The following CREBBP variants were observed in gnomAD, a reference collection of about 807,000 sequenced individuals.
CREBBP encodes CREB-binding protein.
Under a neutral mutation model 265.0 loss-of-function variants are expected in CREBBP, and 19 were observed. The observed-to-expected ratio is 0.07, with a 90% confidence interval of 0.05 to 0.11. The LOEUF (loss-of-function observed/expected upper bound fraction) is 0.11, where lower values mean the gene tolerates loss of function less well. Ranked by LOEUF, CREBBP falls within the 10% of genes least tolerant of loss-of-function variation. The pLI is 1.00. For missense variants in CREBBP, 2,525 were observed against 3,219.0 expected (o/e 0.78, Z 5.22); for synonymous variants, 1,457 against 1,223.7 (o/e 1.19, Z -3.98).
At chr16:3,788,573 T>C (rs1420911052) in intron 5 of CREBBP, among the ~76,000 whole-genome samples, 3 of 152,218 alleles carry the variant, frequency 2.0e-5, no homozygotes, top group African/African-American at 7.2e-5. Context: ...AAGTCCTAAT[T>C]ATTCAAAAAA....
At chr16:3,782,528 G>C (rs571710429) in intron 6 of CREBBP, among the ~76,000 whole-genome samples, 156 bp downstream of exon 6, 1 of 152,278 alleles carries the variant, frequency 6.6e-6, no homozygotes, top group African/African-American at 2.4e-5. Flanking sequence ...CATTTTCCTT[G>C]CATCAGATAC....
intron 2 of CREBBP, among the ~76,000 whole-genome samples, chr16:3,844,104 C>T (rs1450159989): frequency 1.4e-5 from 2 of 142,898 alleles, no homozygotes; most frequent in African/African-American, 2.6e-5. Context: ...GCCGAGATCC[C>T]GCCACTGCAC....
At chr16:3,849,377 CCGTGTGTG>C (rs2054736109) in intron 2 of CREBBP, among the ~76,000 whole-genome samples, 1 of 104,098 alleles carries the variant, frequency 9.6e-6, no homozygotes, top group African/African-American at 4.4e-5. Flanking sequence ...GAGCTCTTGG[CCGTGTGTG>C]TGTGTGTGTG....
chr16:3,748,695 A>G (rs1325831637), intron 21 of CREBBP, among the ~76,000 whole-genome samples: 8 of 152,166 alleles, frequency 5.3e-5, no homozygotes, highest in South Asian at 2.1e-4. Context: ...GGGGACAAAA[A>G]ATAGCCAGTA....
intron 1 of CREBBP, among the ~76,000 whole-genome samples, chr16:3,858,311 T>A (rs1853207951): frequency 6.6e-6 from 1 of 152,184 alleles, no homozygotes; most frequent in Non-Finnish European, 1.5e-5. Context: ...AACACACCTT[T>A]CTTCAGGTTT....
At chr16:3,830,869 C>T (rs2054329340) in intron 2 of CREBBP, among the ~76,000 whole-genome samples, 1 of 152,196 alleles carries the variant, frequency 6.6e-6, no homozygotes, top group Non-Finnish European at 1.5e-5. Context: ...GTAACCTCTA[C>T]CTCCTGGGGT....
At chr16:3,772,827 T>C (rs1443712894) in intron 13 of CREBBP, among the ~76,000 whole-genome samples, 1 of 146,276 alleles carries the variant, frequency 6.8e-6, no homozygotes, top group African/African-American at 2.5e-5. Flanking sequence ...CCCAGCACTT[T>C]GGGAGGCCGA....
chr16:3,843,099 G>T (rs7189001), intron 2 of CREBBP, among the ~76,000 whole-genome samples: 137,851 of 151,902 alleles, frequency 0.91, 63,714 homozygotes, highest in Non-Finnish European at 0.99. Context: ...TAGATGAAAA[G>T]AATTTTCTAC....
At chr16:3,798,727 G>C (rs1186555567) in intron 3 of CREBBP, among the ~76,000 whole-genome samples, 1 of 152,178 alleles carries the variant, frequency 6.6e-6, no homozygotes, top group Non-Finnish European at 1.5e-5. Context: ...CTCATACATT[G>C]GTGTGGGAAT....
intron 20 of CREBBP, among the ~76,000 whole-genome samples, chr16:3,751,173 T>C (rs2052463736): frequency 2.0e-5 from 3 of 152,190 alleles, no homozygotes; most frequent in Admixed American, 2.0e-4. Context: ...TGGTCTCCAG[T>C]GGTAGGCCAC....
intron 16 of CREBBP, 93 bp downstream of exon 16, chr16:3,767,627 T>C: frequency 6.5e-7 from 1 of 1,536,074 alleles, no homozygotes; most frequent in Non-Finnish European, 9.0e-7. Context: ...CAGATAGAAT[T>C]ATGTTTCTAC....
intron 1 of CREBBP, 34 bp downstream of exon 1, chr16:3,879,798 C>G (rs2055487414): frequency 6.5e-7 from 1 of 1,548,950 alleles, no homozygotes; most frequent in African/African-American, 1.4e-5. Flanking sequence ...GACAGCGCGC[C>G]CCGGGCCCCC....
At chr16:3,767,283 CCTT>C (rs945772734) in intron 16 of CREBBP, 2 of 189,638 alleles carry the variant, frequency 1.1e-5, no homozygotes, top group African/African-American at 4.8e-5. Flanking sequence ...CCTGCAGAAA[CCTT>C]CTGCCTCCAA....
At chr16:3,847,958 C>A (rs1306850199) in intron 2 of CREBBP, among the ~76,000 whole-genome samples, 17 of 152,180 alleles carry the variant, frequency 1.1e-4, no homozygotes, top group Admixed American at 1.1e-3. Context: ...CGCTTGAGGT[C>A]AGGAGTTCGA....
At chr16:3,858,994 C>T (rs1161514716) in intron 1 of CREBBP, among the ~76,000 whole-genome samples, 1 of 152,154 alleles carries the variant, frequency 6.6e-6, no homozygotes, top group Non-Finnish European at 1.5e-5. Context: ...ATTTTCTCTT[C>T]CTCACCCACT....
intron 23 of CREBBP, among the ~76,000 whole-genome samples, chr16:3,744,563 G>A (rs2151353125): frequency 6.6e-6 from 1 of 152,304 alleles, no homozygotes; most frequent in South Asian, 2.1e-4. Context: ...ACAGCCCAAG[G>A]CTGCGAGTCC....
chr16:3,784,543 T>G (rs778090478), intron 5 of CREBBP: 13 of 152,230 alleles, frequency 8.5e-5, no homozygotes, highest in Admixed American at 3.9e-4. Context: ...TAAGAAGCAC[T>G]ATGGTATAGA....
chr16:3,738,481 C>A (rs2052125317), intron 26 of CREBBP, 78 bp downstream of exon 26: 1 of 861,308 alleles, frequency 1.2e-6, no homozygotes, highest in Non-Finnish European at 1.9e-6. Flanking sequence ...ACTTAAAATA[C>A]CCATTATTTC....
intron 1 of CREBBP, among the ~76,000 whole-genome samples, chr16:3,863,983 G>T (rs2055128818): frequency 1.3e-5 from 2 of 152,234 alleles, no homozygotes; most frequent in Admixed American, 1.3e-4. Context: ...AGGTGCTACA[G>T]TCAGCTGCCT....
Sources: gnomAD v4.1 joint callset for allele counts (sites outside exome capture counted in the v4.1 genomes callset) on GRCh38, gnomAD v4.1.1 for gene constraint, MANE v1.5 for transcripts, NCBI Gene and HGNC (gene_info 2026-07-23, HGNC 2026-07-21) for gene names.